The following RASGRF1 variants were observed in gnomAD, a reference collection of about 807,000 sequenced individuals.
RASGRF1 encodes the protein ras-specific guanine nucleotide-releasing factor 1.
Under a neutral mutation model 138.7 loss-of-function variants are expected in RASGRF1, and 40 were observed. The ratio of observed to expected loss-of-function variants is 0.29; its 90% CI spans 0.22 to 0.38. RASGRF1 has a LOEUF of 0.38. Among genes scored for constraint, RASGRF1 ranks in the 10% least tolerant of loss-of-function variants. The probability of loss-of-function intolerance (pLI) is 1.00; values close to 1 mark genes in which losing one functional copy is unlikely to be tolerated. For synonymous variants in RASGRF1, 614 were observed against 663.2 expected (o/e 0.93, Z 1.14); for missense variants, 1,108 against 1,650.4 (o/e 0.67, Z 5.69).
At position 79,032,986 on chromosome 15, in the gene RASGRF1, C is replaced by T. The variant is rs1296843913; in HGVS notation, c.959-670G>A. The stretch of plus-strand genomic sequence containing the variant: ...GGCCTGGGGCTGGGTCTCCTGACCT[C>T]CTGATTCCAGGGATTTCCTACCATA... On this transcript the variant is annotated intron_variant, in intron 6 of 26. Coordinates refer to ENST00000558480, the MANE Select transcript of RASGRF1 (RefSeq NM_001145648.3). The surrounding 1 kb of genome is among the most constrained non-coding windows in gnomAD (Gnocchi z 4.5). Among the ~76,000 whole-genome samples the T allele has an allele frequency of 6.6e-6, 1 of 152,202 alleles. No individual in the cohort carries two copies. Among genetic ancestry groups the T allele is most frequent in the African/African-American group, 2.4e-5 (1 of 41,442 alleles).
At position 78,987,073 on chromosome 15, in the gene RASGRF1, T is replaced by C. The variant is rs575120321; in HGVS notation, c.3217-1869A>G. On this transcript the variant is annotated intron_variant, in intron 22 of 26. Coordinates refer to ENST00000558480, the MANE Select transcript of RASGRF1 (RefSeq NM_001145648.3). The stretch of plus-strand genomic sequence containing the variant: ...TTCTATGAAGCCAGTATTACCTTGA[T>C]ACTGAGACCAGAGATGGATAATATA... 1.5e-4 allele frequency among the ~76,000 whole-genome samples: 23 copies of C among 152,356 alleles called. No individual in the cohort carries two copies. In the South Asian group the frequency reaches 4.3e-3, roughly 29 times the overall value.
At chr15:79,034,279 T>G (rs2057187315) in intron 6 of RASGRF1, among the ~76,000 whole-genome samples, 1 of 151,186 alleles carries the variant, frequency 6.6e-6, no homozygotes, top group Non-Finnish European at 1.5e-5. Flanking sequence ...TCTACCAAAT[T>G]AAGAAAGTGA....
intron 5 of RASGRF1, among the ~76,000 whole-genome samples, chr15:79,035,470 G>A (rs1202220017): frequency 2.0e-5 from 3 of 152,234 alleles, no homozygotes; most frequent in Non-Finnish European, 1.5e-5. Context: ...GCCCAGGCTC[G>A]TCTATGCATG....
intron 14 of RASGRF1, chr15:79,004,979 G>C: frequency 2.0e-6 from 2 of 985,534 alleles, no homozygotes; most frequent in Non-Finnish European, 2.4e-6. Context: ...AGCTGGCTCT[G>C]AACCAGCCTC....
chr15:78,965,741 C>G (rs998658772), intron 26 of RASGRF1, among the ~76,000 whole-genome samples: 1 of 152,154 alleles, frequency 6.6e-6, no homozygotes, highest in Non-Finnish European at 1.5e-5. Flanking sequence ...ATCACAGCTA[C>G]TTGGGAGGCT....
At chr15:78,998,586 G>A in intron 18 of RASGRF1, 133 bp downstream of exon 18, 5 of 744,088 alleles carry the variant, frequency 6.7e-6, no homozygotes, top group Non-Finnish European at 1.2e-5. Context: ...GCACATTTGA[G>A]CTCCCTCCCT....
chr15:78,991,846 C>T, intron 20 of RASGRF1, 52 bp from the exon 21 acceptor site: 1 of 1,448,176 alleles, frequency 6.9e-7, no homozygotes, highest in African/African-American at 1.4e-5. Context: ...TGACGGACAC[C>T]TCCTGGATTC....
At chr15:79,057,193 G>A (rs1316888282) in intron 3 of RASGRF1, among the ~76,000 whole-genome samples, 3 of 150,976 alleles carry the variant, frequency 2.0e-5, no homozygotes, top group Non-Finnish European at 4.4e-5. Flanking sequence ...TGCGCCCCAT[G>A]GTGTCGCAGG....
rs749079278 is a variant in RASGRF1 at position 79,003,941 on chromosome 15, G to A, written c.2310C>T (p.Tyr770=). 1 of 1,614,228 alleles carries A rather than the reference G, an allele frequency of 6.2e-7. No homozygotes were observed. The highest frequency in any genetic ancestry group is 1.1e-5 in the South Asian group (1 of 91,082). ...CCTTGCTGAAGGGTGACATGGCCGA[G>A]TACATGCTGGTGTAGCCATTGGAGT... ...SCNSNGYTSM[Y]SAMSPFSKAT... is the part of the protein sequence containing the mutation. Residue 770 remains tyrosine (Y), a synonymous_variant, in exon 15 of 27, where the codon TAC becomes TAT. Coordinates refer to ENST00000558480, the MANE Select transcript of RASGRF1 (RefSeq NM_001145648.3).
At chr15:79,012,426 T>C in intron 13 of RASGRF1, 6 of 1,227,346 alleles carry the variant, frequency 4.9e-6, no homozygotes, top group Non-Finnish European at 7.1e-6. Context: ...TGCTTTCTAA[T>C]AATCTCTCTA....
At chr15:79,055,122 G>A (rs1429556061) in intron 3 of RASGRF1, among the ~76,000 whole-genome samples, 3 of 152,200 alleles carry the variant, frequency 2.0e-5, no homozygotes, top group Non-Finnish European at 2.9e-5. Context: ...TGGTGGAGGC[G>A]AGAGACTTTG....
chr15:79,064,275 T>C (rs762790682), intron 2 of RASGRF1, 145 bp downstream of exon 2: 42 of 723,772 alleles, frequency 5.8e-5, no homozygotes, highest in Admixed American at 1.4e-4. Flanking sequence ...GATGTAAGGG[T>C]GGACCCTGCC....
At chr15:78,983,546 A>C (rs971922123) in intron 23 of RASGRF1, among the ~76,000 whole-genome samples, 2 of 152,194 alleles carry the variant, frequency 1.3e-5, no homozygotes, top group Non-Finnish European at 2.9e-5. Flanking sequence ...GGGAAACTGA[A>C]GCCTGGTCTG....
chr15:78,965,363 C>T (rs907244929), intron 26 of RASGRF1, among the ~76,000 whole-genome samples: 1 of 152,158 alleles, frequency 6.6e-6, no homozygotes, highest in African/African-American at 2.4e-5. Flanking sequence ...CAACAACCCC[C>T]CTCTTTAGCC....
chr15:79,011,228 C>A (rs2056789661), intron 13 of RASGRF1, among the ~76,000 whole-genome samples: 1 of 152,082 alleles, frequency 6.6e-6, no homozygotes, highest in African/African-American at 2.4e-5. Context: ...CTGACCCTTG[C>A]CCACCGCCAG....
At position 79,026,231 on chromosome 15, in the gene RASGRF1, C is replaced by G. The variant is rs538390290; in HGVS notation, c.1382-757G>C. ...CAGTGGTCTGGCTTGGGCACACCTC[C>G]CAGCCTGCACTCTTACCATTGTCCC... is the stretch of plus-strand genomic sequence containing the variant. On this transcript the variant is annotated intron_variant, in intron 9 of 26. Transcript: ENST00000558480. Among the ~76,000 whole-genome samples the G allele has an allele frequency of 9.8e-5, 15 of 152,350 alleles. No individual in the cohort carries two copies. In the South Asian group the frequency reaches 3.1e-3, roughly 32 times the overall value.
chr15:79,082,069 T>G (rs1447295376), intron 1 of RASGRF1, among the ~76,000 whole-genome samples: 1 of 152,108 alleles, frequency 6.6e-6, no homozygotes, highest in African/African-American at 2.4e-5. Flanking sequence ...ATAAAACCTC[T>G]CTTCAGCTAC....
rs2056667551 is a variant in RASGRF1, at chr15:79,006,103, A to AC, written c.2075+82dup. 5 of 1,570,618 alleles carry AC rather than the reference A, an allele frequency of 3.2e-6. No individual in the cohort carries two copies. Among genetic ancestry groups the AC allele is most frequent in the Non-Finnish European group, 3.5e-6 (4 of 1,153,224 alleles). ...TGCTCCTCCAGGGACCTTCCAGGTC[A>AC]CCCCCCGGCCCCGTGCAAGCTCAGT... On this transcript the variant is annotated intron_variant, in intron 14 of 26. Transcript: ENST00000558480. The surrounding 1 kb of genome is among the most constrained non-coding windows in gnomAD (Gnocchi z 4.0).
chr15:79,076,615 G>C (rs1349614917), intron 1 of RASGRF1, among the ~76,000 whole-genome samples: 1 of 152,232 alleles, frequency 6.6e-6, no homozygotes, highest in Non-Finnish European at 1.5e-5. Flanking sequence ...GAAGGAAGCA[G>C]AAGGGTCTCA....
Sources: gnomAD v4.1 joint callset for allele counts (sites outside exome capture counted in the v4.1 genomes callset) on GRCh38, gnomAD v4.1.1 for gene constraint, Gnocchi (gnomAD v3.1) non-coding constraint, MANE v1.5 for transcripts, NCBI Gene and HGNC (gene_info 2026-07-23, HGNC 2026-07-21) for gene names.